PPM1L: variants seen among roughly 807,000 people sequenced by gnomAD.
PPM1L encodes the protein protein phosphatase 1L.
Under a neutral mutation model 31.4 loss-of-function variants are expected in PPM1L, and 13 were observed. The ratio of observed to expected loss-of-function variants is 0.41; its 90% CI spans 0.27 to 0.66. The LOEUF is 0.66. PPM1L is among the 30% of genes least tolerant of loss of function. The pLI, the probability that PPM1L is intolerant of heterozygous loss-of-function variation, is 0.29. For synonymous variants in PPM1L, 184 were observed against 175.4 expected (o/e 1.05, Z -0.39); for missense variants, 326 against 453.7 (o/e 0.72, Z 2.56).
intron 2 of PPM1L, among the ~76,000 whole-genome samples, chr3:161,008,905 A>G (rs911472199): frequency 1.3e-5 from 2 of 152,324 alleles, no homozygotes; most frequent in Non-Finnish European, 2.9e-5. Flanking sequence ...AGCTGGGAAT[A>G]AAAGTTAGGA....
At chr3:160,970,944 C>T (rs1716320972) in intron 2 of PPM1L, among the ~76,000 whole-genome samples, 1 of 151,910 alleles carries the variant, frequency 6.6e-6, no homozygotes, top group African/African-American at 2.4e-5. Context: ...GCGCCCGCCA[C>T]CTCGCCCGGC....
At chr3:161,007,896 A>G (rs1313995148) in intron 2 of PPM1L, among the ~76,000 whole-genome samples, 1 of 152,168 alleles carries the variant, frequency 6.6e-6, no homozygotes, top group East Asian at 1.9e-4. Flanking sequence ...AGAAGTAGAA[A>G]GATGAGTCAG....
intron 1 of PPM1L, among the ~76,000 whole-genome samples, chr3:160,805,758 A>C (rs1476436662): frequency 6.6e-6 from 1 of 152,078 alleles, no homozygotes; most frequent in Non-Finnish European, 1.5e-5. Flanking sequence ...TTGAATCTAA[A>C]TTGGATTCTA....
intron 1 of PPM1L, among the ~76,000 whole-genome samples, chr3:160,898,214 A>C (rs1273670752): frequency 6.6e-6 from 1 of 152,220 alleles, no homozygotes; most frequent in Non-Finnish European, 1.5e-5. Flanking sequence ...ATATTAAATG[A>C]AGGGTCATTC....
At chr3:161,050,631 T>C (rs1719243300) in intron 2 of PPM1L, among the ~76,000 whole-genome samples, 1 of 152,252 alleles carries the variant, frequency 6.6e-6, no homozygotes, top group Non-Finnish European at 1.5e-5. Context: ...TTATAAGAAG[T>C]GTTTTATTTT....
At chr3:160,986,123 G>A (rs1021270486) in intron 2 of PPM1L, among the ~76,000 whole-genome samples, 5 of 152,144 alleles carry the variant, frequency 3.3e-5, no homozygotes, top group African/African-American at 9.7e-5. Context: ...ACATCTCAAC[G>A]TCTCAGTGAG....
intron 2 of PPM1L, among the ~76,000 whole-genome samples, chr3:160,978,356 G>A (rs1285430640): frequency 6.6e-6 from 1 of 152,198 alleles, no homozygotes; most frequent in Non-Finnish European, 1.5e-5. Context: ...AGTTTAGTCC[G>A]AGGCAGCATC....
At chr3:160,865,701 G>A (rs1219661903) in intron 1 of PPM1L, among the ~76,000 whole-genome samples, 2 of 152,186 alleles carry the variant, frequency 1.3e-5, no homozygotes, top group African/African-American at 2.4e-5. Flanking sequence ...CTTGAACCTG[G>A]GAGGCAGAGG....
intron 1 of PPM1L, among the ~76,000 whole-genome samples, chr3:160,760,726 T>C (rs7640231): frequency 0.54 from 82,218 of 151,488 alleles, 25,729 homozygotes; most frequent in African/African-American, 0.87. Flanking sequence ...TTTTTTGTTT[T>C]TTTTTTTTAA....
At chr3:160,933,934 G>A (rs539439261) in intron 1 of PPM1L, among the ~76,000 whole-genome samples, 1 of 152,296 alleles carries the variant, frequency 6.6e-6, no homozygotes, top group African/African-American at 2.4e-5. Flanking sequence ...TGCTGTTATG[G>A]ATATTTCAAC....
At chr3:160,869,134 A>T (rs2108027939) in intron 1 of PPM1L, among the ~76,000 whole-genome samples, 1 of 152,300 alleles carries the variant, frequency 6.6e-6, no homozygotes, top group East Asian at 1.9e-4. Context: ...CGATGATATT[A>T]AATTCATGGG....
intron 1 of PPM1L, among the ~76,000 whole-genome samples, chr3:160,791,897 A>G (rs1321790722): frequency 2.0e-5 from 3 of 152,078 alleles, no homozygotes; most frequent in African/African-American, 4.8e-5. Context: ...AGTTTTTTTT[A>G]TTTTAGAAAG....
chr3:160,817,239 T>C (rs1713025302), intron 1 of PPM1L, among the ~76,000 whole-genome samples: 1 of 152,076 alleles, frequency 6.6e-6, no homozygotes, highest in Admixed American at 6.6e-5. Context: ...AGATTATATG[T>C]CAGACCAAGT....
intron 1 of PPM1L, among the ~76,000 whole-genome samples, chr3:160,841,522 G>A (rs1201868309): frequency 6.6e-6 from 1 of 152,172 alleles, no homozygotes; most frequent in East Asian, 1.9e-4. Flanking sequence ...ACATTAGGAG[G>A]AAAATTGATT....
At chr3:160,876,907 T>G (rs567913622) in intron 1 of PPM1L, among the ~76,000 whole-genome samples, 3 of 152,326 alleles carry the variant, frequency 2.0e-5, no homozygotes, top group Non-Finnish European at 4.4e-5. Context: ...TATTTTTATA[T>G]CCTTTGGGAA....
intron 2 of PPM1L, among the ~76,000 whole-genome samples, chr3:160,974,579 T>G (rs1397036882): frequency 2.0e-5 from 3 of 151,878 alleles, no homozygotes; most frequent in African/African-American, 7.3e-5. Context: ...TGGTGTGAGA[T>G]GGTATCTCAT....
At chr3:160,884,287 G>A (rs756101167) in intron 1 of PPM1L, among the ~76,000 whole-genome samples, 2 of 152,272 alleles carry the variant, frequency 1.3e-5, no homozygotes, top group South Asian at 2.1e-4. Flanking sequence ...TGGAGGAGCT[G>A]GCATTTAGGT....
At chr3:160,861,278 A>G (rs1711880027) in intron 1 of PPM1L, among the ~76,000 whole-genome samples, 1 of 152,208 alleles carries the variant, frequency 6.6e-6, no homozygotes, top group South Asian at 2.1e-4. Flanking sequence ...GCTGGGCAGA[A>G]TATAGTGTAA....
intron 1 of PPM1L, among the ~76,000 whole-genome samples, chr3:160,861,752 T>G (rs1187452206): frequency 6.6e-6 from 1 of 152,234 alleles, no homozygotes; most frequent in African/African-American, 2.4e-5. Flanking sequence ...GTTATGGCAC[T>G]AACCAAGGTG....
Sources: gnomAD v4.1 joint callset for allele counts (sites outside exome capture counted in the v4.1 genomes callset) on GRCh38, gnomAD v4.1.1 for gene constraint, MANE v1.5 for transcripts, NCBI Gene and HGNC (gene_info 2026-07-23, HGNC 2026-07-21) for gene names.